The following WWOX variants were observed in gnomAD, a reference collection of about 807,000 sequenced individuals.
The protein encoded by WWOX is WW domain containing oxidoreductase.
WWOX carries 69 observed loss-of-function variants against 46.2 expected under a neutral mutation model. That is an observed-to-expected ratio of 1.49 (90% CI 1.23 to 1.82). WWOX has a LOEUF of 1.82. Among genes scored for constraint, WWOX ranks in the 40% most tolerant of loss-of-function variants. The pLI is 0.00. For synonymous variants in WWOX, 359 were observed against 202.6 expected (o/e 1.77, Z -6.56); for missense variants, 919 against 542.6 (o/e 1.69, Z -6.89).
At chr16:78,926,702 T>C (rs540196925) in intron 8 of WWOX, among the ~76,000 whole-genome samples, 2 of 152,318 alleles carry the variant, frequency 1.3e-5, no homozygotes, top group South Asian at 4.1e-4. Context: ...GAAAGTTGTT[T>C]GCTTTTGAAA....
At chr16:78,859,234 C>T (rs1358601250) in intron 8 of WWOX, among the ~76,000 whole-genome samples, 1 of 151,054 alleles carries the variant, frequency 6.6e-6, no homozygotes, top group East Asian at 2.0e-4. Context: ...ACTTTGTTTC[C>T]CAGCATAAAG....
At chr16:78,378,796 C>T (rs72796055) in intron 5 of WWOX, among the ~76,000 whole-genome samples, 1 of 151,774 alleles carries the variant, frequency 6.6e-6, no homozygotes, top group African/African-American at 2.4e-5. Flanking sequence ...AGATTATTGC[C>T]GTGCTTACAT....
chr16:78,440,038 T>C (rs143462594), intron 8 of WWOX, among the ~76,000 whole-genome samples: 136 of 152,292 alleles, frequency 8.9e-4, no homozygotes, highest in African/African-American at 3.1e-3. Flanking sequence ...ATCCTAGTTA[T>C]AAAGGAGACT....
chr16:78,918,532 C>G (rs2045304411), intron 8 of WWOX, among the ~76,000 whole-genome samples: 1 of 152,180 alleles, frequency 6.6e-6, no homozygotes, highest in Admixed American at 6.5e-5. Context: ...CACAGAGAAG[C>G]TGGCTGTTAA....
At chr16:78,554,981 G>A (rs998290210) in intron 8 of WWOX, among the ~76,000 whole-genome samples, 5 of 152,042 alleles carry the variant, frequency 3.3e-5, no homozygotes, top group African/African-American at 1.2e-4. Context: ...GAAGAAAAGG[G>A]GCCCGGATAA....
At chr16:78,928,557 G>A (rs1297977831) in intron 8 of WWOX, among the ~76,000 whole-genome samples, 1 of 151,808 alleles carries the variant, frequency 6.6e-6, no homozygotes, top group African/African-American at 2.4e-5. Context: ...CTGATTTTTC[G>A]TTACAGATAT....
intron 8 of WWOX, among the ~76,000 whole-genome samples, chr16:78,533,395 A>G (rs1227663799): frequency 7.2e-6 from 1 of 139,660 alleles, no homozygotes; most frequent in African/African-American, 2.6e-5. Flanking sequence ...CACATAATAT[A>G]CAATTGTTGA....
chr16:78,274,312 G>T (rs1445997524), intron 5 of WWOX, among the ~76,000 whole-genome samples: 1 of 152,056 alleles, frequency 6.6e-6, no homozygotes, highest in African/African-American at 2.4e-5. Context: ...GTTCCTTCCA[G>T]TTCTTCAAGC....
intron 8 of WWOX, among the ~76,000 whole-genome samples, chr16:78,989,578 A>G (rs1229697081): frequency 2.0e-5 from 3 of 152,198 alleles, no homozygotes; most frequent in Non-Finnish European, 4.4e-5. Flanking sequence ...AAAGACACAG[A>G]AAAAGACTTG....
At chr16:78,900,580 T>A (rs1167390466) in intron 8 of WWOX, among the ~76,000 whole-genome samples, 2 of 152,186 alleles carry the variant, frequency 1.3e-5, no homozygotes, top group Non-Finnish European at 2.9e-5. Flanking sequence ...AGGTTATTTG[T>A]AACCAGTACA....
At chr16:78,593,954 G>C (rs1026780158) in intron 8 of WWOX, among the ~76,000 whole-genome samples, 1 of 152,154 alleles carries the variant, frequency 6.6e-6, no homozygotes, top group Non-Finnish European at 1.5e-5. Flanking sequence ...TTGCGTCTTT[G>C]TCCCACTATC....
In WWOX at chr16:78,740,927, T is replaced by A. The variant is rs1036276441; in HGVS notation, c.1056+308175T>A. Among the ~76,000 whole-genome samples, 6 of 152,166 alleles carry A rather than the reference T, an allele frequency of 3.9e-5. No homozygotes were observed. In the East Asian group the frequency reaches 5.8e-4, roughly 15 times the overall value. On this transcript the variant is annotated intron_variant, in intron 8 of 8. Coordinates refer to ENST00000566780, the MANE Select transcript of WWOX (RefSeq NM_016373.4). ...AACCCTCACAGAAAAAATAAGAGTT[T>A]ATTTTTTCACTATGTCACATTGTTG...
At chr16:79,080,501 T>G (rs547134038) in intron 8 of WWOX, among the ~76,000 whole-genome samples, 1 of 152,210 alleles carries the variant, frequency 6.6e-6, no homozygotes, top group Non-Finnish European at 1.5e-5. Flanking sequence ...TACTCCTCTT[T>G]GCACGTTGCA....
chr16:78,177,012 G>A (rs2151749134), intron 5 of WWOX, among the ~76,000 whole-genome samples: 1 of 152,160 alleles, frequency 6.6e-6, no homozygotes, highest in Admixed American at 6.5e-5. Context: ...CAAATTCTTG[G>A]GCCCCACCCC....
chr16:78,852,000 T>C (rs561124705), intron 8 of WWOX, among the ~76,000 whole-genome samples: 10 of 152,218 alleles, frequency 6.6e-5, no homozygotes, highest in African/African-American at 1.9e-4. Flanking sequence ...ACAGCACTTT[T>C]GGGATCCTTG....
At position 78,109,816 on chromosome 16, in the gene WWOX, G is replaced by T; in HGVS notation, c.211G>T (p.Gly71Ter). The T allele has an allele frequency of 6.2e-7, 1 of 1,614,096 alleles. No homozygotes were observed. The highest frequency in any genetic ancestry group is 1.3e-5 in the African/African-American group (1 of 75,026). ...ATGGGAACAAGAAACTGATGAGAAC[G>T]GACAAGTGTTTTTTGTTGAGTAAGT... ...YGWEQETDEN[G>*]QVFFVDHINK... The change falls in exon 3 of 9, where the codon GGA (glycine) becomes TGA (stop). Residue 71 changes from glycine (G) to a stop codon, truncating the protein, a stop_gained. Coordinates refer to ENST00000566780, the MANE Select transcript of WWOX (RefSeq NM_016373.4). LOFTEE classifies it high-confidence loss of function.
chr16:78,563,158 G>T (rs754934921), intron 8 of WWOX, among the ~76,000 whole-genome samples: 1 of 152,136 alleles, frequency 6.6e-6, no homozygotes, highest in East Asian at 1.9e-4. Flanking sequence ...TCTCCAAAAG[G>T]ATGTCTGCAA....
intron 8 of WWOX, among the ~76,000 whole-genome samples, chr16:78,965,387 G>C (rs1446874966): frequency 6.6e-6 from 1 of 152,048 alleles, no homozygotes; most frequent in East Asian, 1.9e-4. Flanking sequence ...TGGTCAACAT[G>C]GTGAAACCCC....
At chr16:78,851,412 G>A (rs1037187716) in intron 8 of WWOX, among the ~76,000 whole-genome samples, 8 of 152,242 alleles carry the variant, frequency 5.3e-5, no homozygotes, top group Non-Finnish European at 8.8e-5. Flanking sequence ...CGGGTACTGA[G>A]CCAAGTGACA....
Sources: allele counts gnomAD v4.1 joint callset (sites outside exome capture counted in the v4.1 genomes callset), GRCh38; gene constraint gnomAD v4.1.1; transcripts MANE v1.5; gene names NCBI Gene and HGNC (gene_info 2026-07-23, HGNC 2026-07-21).